KALRN: variants seen among roughly 807,000 people sequenced by gnomAD.
KALRN encodes kalirin.
Under a neutral mutation model 353.7 loss-of-function variants are expected in KALRN, and 70 were observed. That is an observed-to-expected ratio of 0.20 (90% CI 0.16 to 0.24). The LOEUF (loss-of-function observed/expected upper bound fraction) is 0.24, where lower values mean the gene tolerates loss of function less well. Ranked by LOEUF, KALRN falls within the 10% of genes least tolerant of loss-of-function variation. The pLI is 1.00. For synonymous variants in KALRN, 1,391 were observed against 1,434.8 expected, an observed-to-expected ratio of 0.97 and a Z score of 0.69; for missense variants, 2,791 against 3,756.7, an observed-to-expected ratio of 0.74 and a Z score of 6.72.
In KALRN at chr3:124,322,645, C is replaced by G. The variant is rs568906577; in HGVS notation, c.1093-3335C>G. On this transcript the variant is annotated intron_variant, in intron 6 of 59. Coordinates refer to ENST00000682506, the MANE Select transcript of KALRN (RefSeq NM_001388419.1). ...GGCATAAACAGTCACCCAGAAGAAC[C>G]ACACAAATGGATTGACCAAAGGCCA... is the stretch of plus-strand genomic sequence containing the variant. 4.6e-5 allele frequency among the ~76,000 whole-genome samples: 7 copies of G among 152,322 alleles called. No individual in the cohort carries two copies. The South Asian group carries it at 1.4e-3, about 32-fold the overall frequency.
chr3:124,554,280 G>C (rs982484042), intron 33 of KALRN, among the ~76,000 whole-genome samples: 8 of 152,204 alleles, frequency 5.3e-5, no homozygotes, highest in African/African-American at 1.9e-4. Context: ...CACTTGACCT[G>C]GGAGGTGGAG....
chr3:124,473,189 A>AT (rs1343529996), intron 25 of KALRN, among the ~76,000 whole-genome samples: 1 of 152,230 alleles, frequency 6.6e-6, no homozygotes, highest in Non-Finnish European at 1.5e-5. Context: ...TGTGAAATCC[A>AT]TAACCACTTG....
intron 34 of KALRN, among the ~76,000 whole-genome samples, chr3:124,584,024 A>G (rs1217852072): frequency 3.3e-5 from 5 of 152,204 alleles, no homozygotes; most frequent in African/African-American, 1.2e-4. Context: ...TTTTTAAAGA[A>G]AATCTACAAC....
chr3:124,193,538 C>T (rs1333139828), intron 1 of KALRN, among the ~76,000 whole-genome samples: 1 of 151,846 alleles, frequency 6.6e-6, no homozygotes, highest in Non-Finnish European at 1.5e-5. Flanking sequence ...TAATGAACCA[C>T]TTAACACTTC....
At chr3:124,354,100 A>G (rs527317857) in intron 10 of KALRN, among the ~76,000 whole-genome samples, 1 of 152,240 alleles carries the variant, frequency 6.6e-6, no homozygotes, top group African/African-American at 2.4e-5. Context: ...TATCCAAGAT[A>G]TTATAGAGAG....
chr3:124,709,674 A>G (rs1182255796), intron 57 of KALRN, among the ~76,000 whole-genome samples: 1 of 152,260 alleles, frequency 6.6e-6, no homozygotes, highest in Admixed American at 6.5e-5. Flanking sequence ...TAGGAAAAGA[A>G]GAATTAGAGG....
chr3:124,034,612 C>T (rs995154686), intron 1 of KALRN, among the ~76,000 whole-genome samples: 4 of 152,010 alleles, frequency 2.6e-5, no homozygotes, highest in African/African-American at 9.7e-5. Flanking sequence ...GTCCATTGCT[C>T]CTCCTGCTCC....
chr3:124,637,774 A>C (rs1289741861), intron 37 of KALRN, among the ~76,000 whole-genome samples: 2 of 152,222 alleles, frequency 1.3e-5, no homozygotes. Context: ...GGGAATGGGC[A>C]AAAGTGTGTG....
At chr3:124,709,308 T>G (rs1411478447) in intron 57 of KALRN, among the ~76,000 whole-genome samples, 3 of 152,210 alleles carry the variant, frequency 2.0e-5, no homozygotes, top group African/African-American at 7.2e-5. Context: ...GACAGAGTCT[T>G]GCTCTTTCAC....
At chr3:124,111,552 G>C (rs560879487) in intron 1 of KALRN, among the ~76,000 whole-genome samples, 5 of 152,144 alleles carry the variant, frequency 3.3e-5, no homozygotes, top group Non-Finnish European at 5.9e-5. Context: ...ATGGCCACTG[G>C]GTAGGCAACC....
chr3:124,408,668 A>G (rs186743119), intron 13 of KALRN, among the ~76,000 whole-genome samples: 82 of 152,296 alleles, frequency 5.4e-4, no homozygotes, highest in African/African-American at 1.9e-3. Context: ...GAGATTTCCA[A>G]TGTTGCAGGT....
chr3:124,252,451 T>C (rs2071306905), intron 3 of KALRN, among the ~76,000 whole-genome samples: 1 of 152,220 alleles, frequency 6.6e-6, no homozygotes, highest in South Asian at 2.1e-4. Flanking sequence ...TGAGGCAAGA[T>C]AGCATGGCAG....
rs774687547 is a variant in KALRN, at chr3:124,118,401, CTTAG to C, written c.73+84593_73+84596del. Among the ~76,000 whole-genome samples the C allele has an allele frequency of 7.0e-4, 107 of 152,184 alleles. No homozygotes were observed. The South Asian group carries it at 0.014, about 20-fold the overall frequency. On this transcript the variant is annotated intron_variant, in intron 1 of 59. Transcript: ENST00000682506. ...TTAGGATCTAGGGAAGTTTTAGCAACTTAGTTAGGATTATGCCATCTCTGTGGGA... is the reference window on the plus strand; with the variant it reads ...TTAGGATCTAGGGAAGTTTTAGCAACTTAGGATTATGCCATCTCTGTGGGA...
intron 3 of KALRN, among the ~76,000 whole-genome samples, chr3:124,239,146 G>A (rs903674915): frequency 6.6e-6 from 1 of 152,168 alleles, no homozygotes; most frequent in Non-Finnish European, 1.5e-5. Flanking sequence ...CGTGAAAGGA[G>A]TGGAAAGAAA....
Position 124,482,546 on chromosome 3 carries a change from C to T in KALRN, c.4192-262C>T, listed in dbSNP as rs146582491. Among the ~76,000 whole-genome samples, 407 of 152,164 alleles carry T rather than the reference C, an allele frequency of 2.7e-3. 4 individuals carry two copies. The highest frequency in any genetic ancestry group is 9.3e-3 in the African/African-American group (388 of 41,516). On this transcript the variant is annotated intron_variant, in intron 27 of 59. Transcript: ENST00000682506. ...CTACTGTTCTTTTTCTCCATTTTTG[C>T]TCAATTTCTATTTGTTTCACACACT... is the stretch of plus-strand genomic sequence containing the variant.
At chr3:124,152,787 G>C (rs2068354627) in intron 1 of KALRN, 1 of 311,258 alleles carries the variant, frequency 3.2e-6, no homozygotes, top group South Asian at 5.2e-5. Flanking sequence ...TTGTTTGTTT[G>C]TTTGTTTTTC....
intron 5 of KALRN, among the ~76,000 whole-genome samples, chr3:124,283,988 C>CAT (rs1422196879): frequency 1.3e-5 from 2 of 152,220 alleles, no homozygotes; most frequent in African/African-American, 2.4e-5. Flanking sequence ...CAGAACTTTT[C>CAT]ATATATTATC....
chr3:124,333,096 G>T (rs141432733), intron 8 of KALRN, among the ~76,000 whole-genome samples: 2 of 152,282 alleles, frequency 1.3e-5, no homozygotes, highest in East Asian at 3.9e-4. Context: ...GAGTGCAGGG[G>T]AACTGCCCTT....
chr3:124,498,859 G>A (rs945297521), intron 33 of KALRN, among the ~76,000 whole-genome samples: 4 of 151,804 alleles, frequency 2.6e-5, no homozygotes, highest in South Asian at 2.1e-4. Flanking sequence ...ACTTGTAGAC[G>A]TTATCAGCAG....
Sources: gnomAD v4.1 joint callset for allele counts (sites outside exome capture counted in the v4.1 genomes callset) on GRCh38, gnomAD v4.1.1 for gene constraint, MANE v1.5 for transcripts, NCBI Gene and HGNC (gene_info 2026-07-23, HGNC 2026-07-21) for gene names.